The following HAS3 variants were observed in gnomAD, a reference collection of about 807,000 sequenced individuals.
HAS3 encodes the protein hyaluronan synthase 3.
HAS3 carries 27 observed loss-of-function variants against 50.3 expected under a neutral mutation model. That is an observed-to-expected ratio of 0.54 (90% CI 0.40 to 0.74). HAS3 has a LOEUF of 0.74. Among genes scored for constraint, HAS3 ranks in the 30% least tolerant of loss-of-function variants. The pLI is 0.00. For missense variants in HAS3, 517 were observed against 742.8 expected, an observed-to-expected ratio of 0.70 and a Z score of 3.53; for synonymous variants, 339 against 310.9, an observed-to-expected ratio of 1.09 and a Z score of -0.95.
At chr16:69,093,594 G>C in the HAS3 span, among the ~76,000 whole-genome samples, 2 of 122,546 alleles carry the variant, frequency 1.6e-5, no homozygotes, top group East Asian at 5.2e-4. Flanking sequence ...GCAATGACAT[G>C]ATCTCGGCTC....
Position 69,117,467 on chromosome 16 carries a change from G to A in HAS3, c.*2201G>A. The A allele has an allele frequency of 1.0e-6, 1 of 985,490 alleles. No individual in the cohort carries two copies. The highest frequency in any genetic ancestry group is 1.2e-6 in the Non-Finnish European group (1 of 829,688). The allele number at this position is 985,490 out of a possible 1,614,324, so 61.0% of individuals were successfully genotyped here. ...CAGCTTTATCCCCGTTTCTTGCAAG[G>A]GAAGAGCCTTTATACAATTGGACGC... On this transcript the variant is annotated 3_prime_UTR_variant, in exon 4 of 4. Coordinates refer to ENST00000569188, the MANE Select transcript of HAS3 (RefSeq NM_001199280.2).
the HAS3 span, among the ~76,000 whole-genome samples, chr16:69,090,652 C>G: frequency 6.6e-6 from 1 of 152,158 alleles, no homozygotes; most frequent in Non-Finnish European, 1.5e-5. Context: ...ACAGCAACCT[C>G]TACCTCCCGG....
In HAS3 at chr16:69,113,521, G is replaced by T; in HGVS notation, c.717G>T (p.Gly239=). The change falls in exon 3 of 4, where the codon GGG becomes GGT. Residue 239 remains glycine (G), a synonymous_variant. Coordinates refer to ENST00000569188, the MANE Select transcript of HAS3 (RefSeq NM_001199280.2). ...TCCTGGAGGAGGATCCCCAAGTAGG[G>T]GGAGTCGGGGGAGATGTCCAGGTAA... The part of the protein sequence containing the change: ...LRVLEEDPQV[G]GVGGDVQILN... 6.2e-7 allele frequency: 1 copy of T among 1,607,174 alleles called. No homozygotes were observed. Among genetic ancestry groups the T allele is most frequent in the South Asian group, 1.1e-5 (1 of 90,900 alleles).
Position 69,114,709 on chromosome 16 carries a change from T to A in HAS3, c.1105T>A (p.Ser369Thr). The A allele has an allele frequency of 6.2e-7, 1 of 1,613,946 alleles. No homozygotes were observed. The highest frequency in any genetic ancestry group is 8.5e-7 in the Non-Finnish European group (1 of 1,179,990). Residue 369 changes from serine (S) to threonine (T), a missense_variant, in exon 4 of 4, where the codon TCT becomes ACT. Ser to Thr is a moderately conservative substitution (Grantham distance 58). Coordinates refer to ENST00000569188, the MANE Select transcript of HAS3 (RefSeq NM_001199280.2). The surrounding 1 kb of genome is among the most constrained non-coding windows in gnomAD (Gnocchi z 6.4). ...KSYFREWLYN[S>T]LWFHKHHLWM... Reference sequence around the variant, plus strand: ...TTACTTCCGGGAGTGGCTCTACAACTCTCTGTGGTTCCATAAGCACCACCT... The same window carrying A: ...TTACTTCCGGGAGTGGCTCTACAACACTCTGTGGTTCCATAAGCACCACCT...
chr16:69,117,151 G>A lies in HAS3; in HGVS notation c.*1885G>A, dbSNP rs779219262. On this transcript the variant is annotated 3_prime_UTR_variant, in exon 4 of 4. Coordinates refer to ENST00000569188, the MANE Select transcript of HAS3 (RefSeq NM_001199280.2). ...GCTGATCCAGGCAATCGTTCTGCTG[G>A]CCAAGAAGTTAAACTATTTTGAGCA... 2 of 985,848 alleles carry A rather than the reference G, an allele frequency of 2.0e-6. No homozygotes were observed. The highest frequency in any genetic ancestry group is 2.4e-6 in the Non-Finnish European group (2 of 829,914). 61.1% of individuals were successfully genotyped at this position (985,848 alleles called of 1,614,324 possible).
At position 69,115,049 on chromosome 16, in the gene HAS3, T is replaced by C; in HGVS notation, c.1445T>C (p.Ile482Thr). 2 of 1,614,152 alleles carry C rather than the reference T, an allele frequency of 1.2e-6. No homozygotes were observed. Among genetic ancestry groups the C allele is most frequent in the Admixed American group, 1.7e-5 (1 of 60,018 alleles). The change falls in exon 4 of 4, where the codon ATT becomes ACT. Residue 482 changes from isoleucine (I) to threonine (T), a missense_variant. Ile to Thr is a moderately conservative substitution (Grantham distance 89). Coordinates refer to ENST00000569188, the MANE Select transcript of HAS3 (RefSeq NM_001199280.2). ...ATTGTGGTGAACTTCATTGGCCTCA[T>C]TCCTGTGTCCATCTGGGTGGCAGTT... Reference protein sequence around the residue: ...KTIVVNFIGLIPVSIWVAVLL... With the variant: ...KTIVVNFIGLTPVSIWVAVLL...
At position 69,107,412 on chromosome 16, in the gene HAS3, CCT is replaced by C; in HGVS notation, c.-1+1626_-1+1627del. The C allele has an allele frequency of 3.0e-6, 3 of 985,556 alleles. No homozygotes were observed. Among genetic ancestry groups the C allele is most frequent in the Non-Finnish European group, 3.6e-6 (3 of 829,988 alleles). The allele number at this position is 985,556 out of a possible 1,614,324, so 61.1% of individuals were successfully genotyped here. A position where few individuals can be genotyped will look rare whatever the true frequency, so the allele number is the denominator to read the frequency against. ...AGCTGGGGTACCAGGAAGAGCAGGG[CCT>C]GGTCCGACTGGGATCCCTTGGGTTT... is the stretch of plus-strand genomic sequence containing the variant. On this transcript the variant is annotated intron_variant, in intron 1 of 3. Coordinates refer to ENST00000569188, the MANE Select transcript of HAS3 (RefSeq NM_001199280.2). The surrounding 1 kb of genome is among the most constrained non-coding windows in gnomAD (Gnocchi z 5.5).
the HAS3 span, chr16:69,083,601 C>A: frequency 1.3e-6 from 2 of 1,591,716 alleles, no homozygotes; most frequent in Admixed American, 1.8e-5. Context: ...TGGATGACAT[C>A]ATGAAAAACT....
chr16:69,103,174 T>C (rs1355345590), upstream of HAS3, among the ~76,000 whole-genome samples: 1 of 152,220 alleles, frequency 6.6e-6, no homozygotes, highest in Admixed American at 6.5e-5. Flanking sequence ...GAGATGAGCC[T>C]CTAAACGGAG....
upstream of HAS3, among the ~76,000 whole-genome samples, chr16:69,102,269 T>A (rs1960704894): frequency 6.6e-6 from 1 of 152,214 alleles, no homozygotes; most frequent in African/African-American, 2.4e-5. Context: ...GAAGGCTTAT[T>A]TATCCTCTGG....
At chr16:69,091,901 C>G in the HAS3 span, among the ~76,000 whole-genome samples, 1 of 152,130 alleles carries the variant, frequency 6.6e-6, no homozygotes, top group South Asian at 2.1e-4. Context: ...ATTTCCCAAA[C>G]CAGATTCAGG....
At chr16:69,088,434 C>T in the HAS3 span, among the ~76,000 whole-genome samples, 598 of 151,900 alleles carry the variant, frequency 3.9e-3, 5 homozygotes, top group African/African-American at 0.014. Context: ...GTTGGGCGCG[C>T]CTGTAATCCC....
Position 69,106,914 on chromosome 16 carries a change from C to G in HAS3, c.-1+1127C>G, listed in dbSNP as rs1202216591. Reference sequence around the variant, plus strand: ...GGCGCACCTGTCAGCGGGAGAGACGCTGCACACCAGCAGCCCCTCAAAGTT... The same window carrying G: ...GGCGCACCTGTCAGCGGGAGAGACGGTGCACACCAGCAGCCCCTCAAAGTT... On this transcript the variant is annotated intron_variant, in intron 1 of 3. Transcript: ENST00000569188. This position sits in a 1 kb window ranked among gnomAD's most constrained non-coding sequence, Gnocchi z 5.5. 6.6e-6 allele frequency: 1 copy of G among 152,262 alleles called. No individual in the cohort carries two copies. The highest frequency in any genetic ancestry group is 1.5e-5 in the Non-Finnish European group (1 of 68,054). 9.4% of individuals were successfully genotyped at this position (152,262 alleles called of 1,614,324 possible).
the HAS3 span, among the ~76,000 whole-genome samples, chr16:69,088,570 A>G: frequency 4.6e-5 from 7 of 152,020 alleles, no homozygotes; most frequent in African/African-American, 7.2e-5. Flanking sequence ...AAAAAAAAAA[A>G]AAAAGAAAAG....
At chr16:69,095,817 A>G in the HAS3 span, among the ~76,000 whole-genome samples, 1 of 152,158 alleles carries the variant, frequency 6.6e-6, no homozygotes, top group Non-Finnish European at 1.5e-5. Context: ...CTTCGCTCTA[A>G]CTGCTTTTAT....
the HAS3 span, among the ~76,000 whole-genome samples, chr16:69,092,871 A>C: frequency 6.6e-6 from 1 of 152,344 alleles, no homozygotes; most frequent in South Asian, 2.1e-4. Flanking sequence ...AAAATTTGTT[A>C]TACCTCTTGA....
At chr16:69,083,855 C>T in the HAS3 span, 1 of 571,176 alleles carries the variant, frequency 1.8e-6, no homozygotes, top group East Asian at 2.9e-5. Flanking sequence ...CCGCGTTCAG[C>T]CTGAGGGGTG....
chr16:69,118,417 G>C, downstream of HAS3: 1 of 1,613,476 alleles, frequency 6.2e-7, no homozygotes, highest in Non-Finnish European at 8.5e-7. Context: ...TCAGAGCTAC[G>C]GAAGCATGGT....
At position 69,115,274 on chromosome 16, in the gene HAS3, C is replaced by G; in HGVS notation, c.*8C>G. On this transcript the variant is annotated 3_prime_UTR_variant, in exon 4 of 4. Transcript: ENST00000569188. ...GCTTTTGCTGAGGTGTGACATGGCC[C>G]CCAAGCAGAGCGGGTAAAGTGCAAT... The G allele has an allele frequency of 6.6e-7, 1 of 1,512,658 alleles. No individual in the cohort carries two copies. The highest frequency in any genetic ancestry group is 2.3e-5 in the East Asian group (1 of 43,964). The allele number at this position is 1,512,658 out of a possible 1,614,324, so 93.7% of individuals were successfully genotyped here.
Sources: allele counts gnomAD v4.1 joint callset (sites outside exome capture counted in the v4.1 genomes callset), GRCh38; gene constraint gnomAD v4.1.1; non-coding constraint Gnocchi (gnomAD v3.1); transcripts MANE v1.5; gene names NCBI Gene and HGNC (gene_info 2026-07-23, HGNC 2026-07-21).